The following HABP2 variants were observed in gnomAD, a reference collection of about 807,000 sequenced individuals.
The protein encoded by HABP2 is factor VII-activating protease.
HABP2 carries 65 observed loss-of-function variants against 66.5 expected under a neutral mutation model. The observed-to-expected ratio is 0.98, with a 90% CI of 0.80 to 1.20. The LOEUF is 1.20. Ranked by LOEUF, HABP2 falls within the 50% of genes most tolerant of loss-of-function variation. The pLI is 0.00. For missense variants in HABP2, 786 were observed against 691.0 expected (o/e 1.14, Z -1.54); for synonymous variants, 263 against 253.9 (o/e 1.04, Z -0.34).
At chr10:113,557,636 C>A (rs1330427392) in intron 1 of HABP2, among the ~76,000 whole-genome samples, 2 of 152,208 alleles carry the variant, frequency 1.3e-5, no homozygotes, top group Admixed American at 6.5e-5. Flanking sequence ...GACCCGCAAA[C>A]AAGTTCCAGG....
Position 113,580,490 on chromosome 10 carries a change from CA to C in HABP2, c.741-104del, listed in dbSNP as rs1303390662. 13 of 694,860 alleles carry C rather than the reference CA, an allele frequency of 1.9e-5. No individual in the cohort carries two copies. In the Admixed American group the frequency reaches 2.0e-4, roughly 11 times the overall value. The allele number at this position is 694,860 out of a possible 1,614,324, so 43.0% of individuals were successfully genotyped here. A position where few individuals can be genotyped will look rare whatever the true frequency, so the allele number is the denominator to read the frequency against. On this transcript the variant is annotated intron_variant, in intron 7 of 12. Coordinates refer to ENST00000351270, the MANE Select transcript of HABP2 (RefSeq NM_004132.5). ...TGGAGGATTCAAAGAAATGTGGTCC[CA>C]GGGGGAGCACAAGAGTCTAGCACCT...
In HABP2 at chr10:113,582,156, C is replaced by T. The variant is rs924744707; in HGVS notation, c.1094+25C>T. 3 of 1,583,766 alleles carry T rather than the reference C, an allele frequency of 1.9e-6. No homozygotes were observed. In the African/African-American group the frequency reaches 4.1e-5, roughly 21 times the overall value. ...AGTAGGTGCCGCTGGGAGCAGGGAC[C>T]AGGGTGGCTTGAGTGGCTGGGGGTG... On this transcript the variant is annotated intron_variant, in intron 9 of 12. Transcript: ENST00000351270.
intron 1 of HABP2, among the ~76,000 whole-genome samples, chr10:113,565,455 C>T (rs1260300942): frequency 6.6e-6 from 1 of 152,158 alleles, no homozygotes; most frequent in African/African-American, 2.4e-5. Flanking sequence ...AGCCAATGTA[C>T]AGAGATCACA....
At chr10:113,566,493 C>T (rs1278968427) in intron 1 of HABP2, among the ~76,000 whole-genome samples, 2 of 152,200 alleles carry the variant, frequency 1.3e-5, no homozygotes, top group Non-Finnish European at 2.9e-5. Context: ...TTCAGCAAAT[C>T]TTTTTGAGGA....
intron 8 of HABP2, among the ~76,000 whole-genome samples, chr10:113,581,445 G>T (rs1176515151): frequency 6.6e-6 from 1 of 152,170 alleles, no homozygotes; most frequent in African/African-American, 2.4e-5. Context: ...TAGTTCATCT[G>T]AATATCCTCC....
intron 6 of HABP2, 30 bp from the exon 7 acceptor site, chr10:113,578,597 G>A (rs942307236): frequency 4.5e-6 from 7 of 1,570,086 alleles, no homozygotes; most frequent in African/African-American, 4.1e-5. Flanking sequence ...ATGGCTGTTG[G>A]TTCTCACATT....
intron 11 of HABP2, 118 bp downstream of exon 11, chr10:113,584,400 C>A: frequency 1.2e-6 from 1 of 819,926 alleles, no homozygotes; most frequent in Non-Finnish European, 2.0e-6. Flanking sequence ...ATGCATCAAC[C>A]AAAGAAAGCA....
intron 11 of HABP2, among the ~76,000 whole-genome samples, 195 bp downstream of exon 11, chr10:113,584,477 G>A (rs1162685994): frequency 6.6e-6 from 1 of 152,180 alleles, no homozygotes; most frequent in Non-Finnish European, 1.5e-5. Flanking sequence ...GAGTTTCTCT[G>A]ATCTCCATAT....
At chr10:113,581,426 C>T (rs1311813901) in intron 8 of HABP2, among the ~76,000 whole-genome samples, 1 of 152,192 alleles carries the variant, frequency 6.6e-6, no homozygotes, top group African/African-American at 2.4e-5. Flanking sequence ...TGTCTTATCT[C>T]ACCTATTCTA....
rs1491215824 is a variant in HABP2, at chr10:113,564,843, T to TCC, written c.70-2645_70-2644insCC. ...AGACATCACTCTACCTCACCACGCA[T>TCC]CTCTCTCTTTTGTTTTTTTCTTAGA... On this transcript the variant is annotated intron_variant, in intron 1 of 12. Coordinates refer to ENST00000351270, the MANE Select transcript of HABP2 (RefSeq NM_004132.5). Among the ~76,000 whole-genome samples, 140 of 128,250 alleles carry TCC rather than the reference T, an allele frequency of 1.1e-3. 1 individual carries two copies. Among genetic ancestry groups the TCC allele is most frequent in the African/African-American group, 4.2e-3 (127 of 30,148 alleles). 84.1% of individuals were successfully genotyped at this position (128,250 alleles called of 152,430 possible).
intron 1 of HABP2, among the ~76,000 whole-genome samples, chr10:113,563,827 G>T (rs1592685258): frequency 6.6e-6 from 1 of 152,178 alleles, no homozygotes; most frequent in East Asian, 1.9e-4. Flanking sequence ...TCAAAGAGAA[G>T]AATTCGTAGG....
intron 7 of HABP2, among the ~76,000 whole-genome samples, chr10:113,579,970 A>G (rs1289970343): frequency 6.6e-6 from 1 of 151,912 alleles, no homozygotes; most frequent in Non-Finnish European, 1.5e-5. Flanking sequence ...TTTAGTAGAG[A>G]TGGGTTTCAC....
intron 7 of HABP2, among the ~76,000 whole-genome samples, chr10:113,579,622 T>C (rs1035619558): frequency 6.6e-6 from 1 of 152,244 alleles, no homozygotes; most frequent in Non-Finnish European, 1.5e-5. Context: ...CCTTCTTCCT[T>C]TTCTGCTGCC....
Position 113,578,752 on chromosome 10 carries a change from A to G in HABP2, c.694A>G (p.Met232Val), listed in dbSNP as rs1189733160. Reference protein sequence around the residue: ...LLLQENYNMFMEDAETHGIGE... With the variant: ...LLLQENYNMFVEDAETHGIGE... Reference sequence around the variant, plus strand: ...CTTGCAGGAGAATTACAACATGTTTATGGAGGATGCTGAAACCCATGGGAT... The same window carrying G: ...CTTGCAGGAGAATTACAACATGTTTGTGGAGGATGCTGAAACCCATGGGAT... Residue 232 changes from methionine (M) to valine (V), a missense_variant, in exon 7 of 13, where the codon ATG becomes GTG. By Grantham distance (21) the Met-to-Val change is conservative (BLOSUM62 1). Transcript: ENST00000351270. The G allele has an allele frequency of 2.5e-6, 4 of 1,612,410 alleles. No individual in the cohort carries two copies. The highest frequency in any genetic ancestry group is 1.7e-4 in the Middle Eastern group (1 of 6,060).
intron 12 of HABP2, among the ~76,000 whole-genome samples, chr10:113,588,002 G>T (rs758511941): frequency 6.6e-6 from 1 of 152,038 alleles, no homozygotes; most frequent in African/African-American, 2.4e-5. Context: ...ACTCAGGGAC[G>T]GAGGACACTG....
Position 113,588,431 on chromosome 10 carries a change from T to C in HABP2, c.*62T>C, listed in dbSNP as rs1845711580. 3 of 1,299,552 alleles carry C rather than the reference T, an allele frequency of 2.3e-6. No homozygotes were observed. The highest frequency in any genetic ancestry group is 1.1e-6 in the Non-Finnish European group (1 of 926,742). The allele number at this position is 1,299,552 out of a possible 1,614,324, so 80.5% of individuals were successfully genotyped here. On this transcript the variant is annotated 3_prime_UTR_variant, in exon 13 of 13. Transcript: ENST00000351270. ...GGCACCCTGACACCGGGAGGCCTCATGGCCAACAATGGACACCTCCAGAGC... is the reference window on the plus strand; with the variant it reads ...GGCACCCTGACACCGGGAGGCCTCACGGCCAACAATGGACACCTCCAGAGC...
chr10:113,560,279 C>T (rs954956623), intron 1 of HABP2, among the ~76,000 whole-genome samples: 2 of 152,198 alleles, frequency 1.3e-5, no homozygotes, highest in South Asian at 2.1e-4. Context: ...CCTGTGCCTA[C>T]GAAGGGATGG....
intron 1 of HABP2, among the ~76,000 whole-genome samples, chr10:113,564,254 A>G (rs1845155856): frequency 6.6e-6 from 1 of 152,106 alleles, no homozygotes; most frequent in Non-Finnish European, 1.5e-5. Context: ...CCATGATTCA[A>G]TTACCTCCCA....
At chr10:113,571,918 T>C (rs1845321705) in intron 2 of HABP2, among the ~76,000 whole-genome samples, 1 of 152,196 alleles carries the variant, frequency 6.6e-6, no homozygotes, top group Non-Finnish European at 1.5e-5. Flanking sequence ...ATGCAGACAA[T>C]AGGATTAAGT....
Sources: gnomAD v4.1 joint callset for allele counts (sites outside exome capture counted in the v4.1 genomes callset) on GRCh38, gnomAD v4.1.1 for gene constraint, MANE v1.5 for transcripts, NCBI Gene and HGNC (gene_info 2026-07-23, HGNC 2026-07-21) for gene names.